Variants in NDRG2 observed in about 807,000 individuals in gnomAD.
NDRG2 encodes protein NDRG2.
Under a neutral mutation model 58.2 loss-of-function variants are expected in NDRG2, and 34 were observed. That is an observed-to-expected ratio of 0.58 (90% CI 0.44 to 0.78). The LOEUF is 0.78. Ranked by LOEUF, NDRG2 falls within the 30% of genes least tolerant of loss-of-function variation. NDRG2 has a pLI of 0.00. For synonymous variants in NDRG2, 187 were observed against 175.9 expected (o/e 1.06, Z -0.50); for missense variants, 434 against 471.2 (o/e 0.92, Z 0.73).
In NDRG2 at chr14:21,023,297, C is replaced by G. The variant is rs1017359572; in HGVS notation, c.19G>C (p.Val7Leu). The change falls in exon 2 of 16, where the codon GTG becomes CTG. Residue 7 changes from valine (V) to leucine (L), a missense_variant. Transcript: ENST00000556147. ...AGTGGCTTCTCCTCTGTGATCTGCACCTCCTGCAGCTCCGCCATGGTGGCC... is the reference window on the plus strand; with the variant it reads ...AGTGGCTTCTCCTCTGTGATCTGCAGCTCCTGCAGCTCCGCCATGGTGGCC... Reference protein sequence around the residue: MAELQEVQITEEKPLLP... With the variant: MAELQELQITEEKPLLP... 6.2e-7 allele frequency: 1 copy of G among 1,613,806 alleles called. No individual in the cohort carries two copies. Among genetic ancestry groups the G allele is most frequent in the African/African-American group, 1.3e-5 (1 of 75,046 alleles).
intron 1 of NDRG2, chr14:21,044,021 T>C (rs1274407330): frequency 1.2e-5 from 2 of 168,782 alleles, no homozygotes; most frequent in Admixed American, 6.4e-5. Context: ...AAAGAGCTTG[T>C]CTAATTAGTT....
At chr14:21,027,643 G>A (rs1050912463), upstream of NDRG2, among the ~76,000 whole-genome samples, 1 of 152,198 alleles carries the variant, frequency 6.6e-6, no homozygotes, top group African/African-American at 2.4e-5. Context: ...CACAACATCT[G>A]TAAATGCGGT....
At chr14:21,054,496 G>GTGAC (rs1411286751) in intron 1 of NDRG2, among the ~76,000 whole-genome samples, 13 of 152,182 alleles carry the variant, frequency 8.5e-5, no homozygotes, top group African/African-American at 1.4e-4. Context: ...TGCACACAAG[G>GTGAC]TGACTCTTAG....
At chr14:21,030,610 A>C (rs531276308), upstream of NDRG2, 44 of 1,613,756 alleles carry the variant, frequency 2.7e-5, no homozygotes, top group East Asian at 8.5e-4. Flanking sequence ...AAAACATTCC[A>C]TCGGTTTGCT....
chr14:21,033,141 T>C, intron 1 of NDRG2: 3 of 377,068 alleles, frequency 8.0e-6, no homozygotes, highest in Non-Finnish European at 1.5e-5. Context: ...GAAAAAGAGG[T>C]TGGAAAAAGG....
At chr14:21,036,748 G>C (rs567558876) in intron 1 of NDRG2, among the ~76,000 whole-genome samples, 1 of 152,246 alleles carries the variant, frequency 6.6e-6, no homozygotes, top group Admixed American at 6.5e-5. Context: ...CTATTCCATG[G>C]TGCTAGCTCA....
rs927040178 is a variant in NDRG2, at chr14:21,068,063, G to A, written c.24+2765C>T. Among the ~76,000 whole-genome samples, 7 of 11,586 alleles carry A rather than the reference G, an allele frequency of 6.0e-4. 3 individuals are homozygous for A. Among genetic ancestry groups the A allele is most frequent in the Non-Finnish European group, 2.1e-3 (5 of 2,438 alleles). 7.6% of individuals were successfully genotyped at this position (11,586 alleles called of 152,430 possible). A position where few individuals can be genotyped will look rare whatever the true frequency, so the allele number is the denominator to read the frequency against. On this transcript the variant is annotated intron_variant, in intron 1 of 14. Coordinates refer to the NDRG2 transcript ENST00000403829. ...CGCCCAGGCTGGAGTGCAGTGGCGCGATCTCGGCTCACTGCAAGCTCCGCC... is the reference window on the plus strand; with the variant it reads ...CGCCCAGGCTGGAGTGCAGTGGCGCAATCTCGGCTCACTGCAAGCTCCGCC...
intron 1 of NDRG2, 179 bp downstream of exon 1, chr14:21,023,851 G>T: frequency 1.9e-6 from 1 of 523,900 alleles, no homozygotes; most frequent in Non-Finnish European, 2.5e-6. Flanking sequence ...TGGGGGAGGT[G>T]GGGAAAACAA....
intron 1 of NDRG2, chr14:21,031,084 CA>C: frequency 6.2e-7 from 1 of 1,614,148 alleles, no homozygotes; most frequent in South Asian, 1.1e-5. Context: ...AGAAGCGCTT[CA>C]AAGGGAAGAG....
Position 21,070,152 on chromosome 14 carries a change from A to T in NDRG2, c.24+676T>A. ...GCAGAGATCTCGGCGCGGGAGACAGAGTCCCGGCAAGGGGTCCCGCGCGGA... is the reference window on the plus strand; with the variant it reads ...GCAGAGATCTCGGCGCGGGAGACAGTGTCCCGGCAAGGGGTCCCGCGCGGA... On this transcript the variant is annotated intron_variant, in intron 1 of 14. Transcript: ENST00000403829. The surrounding 1 kb of genome is among the most constrained non-coding windows in gnomAD (Gnocchi z 4.7). The T allele has an allele frequency of 4.7e-6, 1 of 212,820 alleles. No individual in the cohort carries two copies. The highest frequency in any genetic ancestry group is 6.0e-5 in the Admixed American group (1 of 16,654). The allele number at this position is 212,820 out of a possible 1,614,324, so 13.2% of individuals were successfully genotyped here. A position where few individuals can be genotyped will look rare whatever the true frequency, so the allele number is the denominator to read the frequency against.
chr14:21,056,690 T>C (rs1203719805), intron 1 of NDRG2, among the ~76,000 whole-genome samples: 1 of 152,232 alleles, frequency 6.6e-6, no homozygotes, highest in Non-Finnish European at 1.5e-5. Flanking sequence ...TGGGAAACTC[T>C]TTCCTCTTTC....
intron 1 of NDRG2, chr14:21,043,022 C>T (rs1393193197): frequency 1.2e-6 from 2 of 1,614,108 alleles, no homozygotes; most frequent in East Asian, 2.2e-5. Flanking sequence ...GATTCTGCCC[C>T]CTTCTGCTGC....
At position 21,024,070 on chromosome 14, in the gene NDRG2, G is replaced by T. The variant is rs1998848; in HGVS notation, c.-47C>A. On this transcript the variant is annotated 5_prime_UTR_variant, in exon 1 of 16. Transcript: ENST00000556147. Reference sequence around the variant, plus strand: ...TGGATGCAGTGGGATTAGGGGTCAGGGTTCTCACTCCTTCTGACTCTGGGG... The same window carrying T: ...TGGATGCAGTGGGATTAGGGGTCAGTGTTCTCACTCCTTCTGACTCTGGGG... The T allele has an allele frequency of 2.0e-6, 2 of 985,438 alleles. No homozygotes were observed. Among genetic ancestry groups the T allele is most frequent in the Non-Finnish European group, 1.2e-6 (1 of 829,994 alleles). 61.0% of individuals were successfully genotyped at this position (985,438 alleles called of 1,614,324 possible). A position where few individuals can be genotyped will look rare whatever the true frequency, so the allele number is the denominator to read the frequency against.
intron 1 of NDRG2, among the ~76,000 whole-genome samples, chr14:21,049,429 AT>A (rs1234360310): frequency 1.3e-5 from 2 of 152,208 alleles, no homozygotes; most frequent in Admixed American, 6.5e-5. Flanking sequence ...GAACTTACAC[AT>A]TTAAAACATA....
intron 1 of NDRG2, among the ~76,000 whole-genome samples, chr14:21,036,495 A>T (rs1257714969): frequency 6.6e-6 from 1 of 152,170 alleles, no homozygotes; most frequent in Non-Finnish European, 1.5e-5. Context: ...GTTGGGCTGC[A>T]TTCAAAGCCA....
intron 1 of NDRG2, among the ~76,000 whole-genome samples, chr14:21,038,336 C>T (rs1053601138): frequency 1.2e-4 from 18 of 152,128 alleles, no homozygotes; most frequent in Non-Finnish European, 2.2e-4. Context: ...AACGGGTGGT[C>T]CTCATCTTGT....
intron 1 of NDRG2, among the ~76,000 whole-genome samples, chr14:21,069,563 C>A (rs1011167184): frequency 1.3e-5 from 2 of 152,224 alleles, no homozygotes; most frequent in Admixed American, 1.3e-4. Context: ...ATCCGGGAAC[C>A]CTGCCCCCTT....
At chr14:21,063,468 T>G (rs2139164063) in intron 1 of NDRG2, among the ~76,000 whole-genome samples, 1 of 152,274 alleles carries the variant, frequency 6.6e-6, no homozygotes, top group African/African-American at 2.4e-5. Flanking sequence ...GATATAGGTT[T>G]TGTAATTGGG....
At chr14:21,031,768 A>G in intron 1 of NDRG2, 1 of 1,086,046 alleles carries the variant, frequency 9.2e-7, no homozygotes. Context: ...AGAAAGCAGC[A>G]CCCCATGCCA....
Sources: allele counts gnomAD v4.1 joint callset (sites outside exome capture counted in the v4.1 genomes callset), GRCh38; gene constraint gnomAD v4.1.1; non-coding constraint Gnocchi (gnomAD v3.1); transcripts MANE v1.5; gene names NCBI Gene and HGNC (gene_info 2026-07-23, HGNC 2026-07-21).